Variants in ZNF423 observed in about 807,000 individuals in gnomAD.
ZNF423 encodes zinc finger protein 423, also known as Ebf-associated zinc finger protein.
In ZNF423, 12 loss-of-function variants were observed where a neutral mutation model predicts 95.8. The observed-to-expected ratio is 0.13, with a 90% confidence interval of 0.08 to 0.20. The LOEUF is 0.20. Ranked by LOEUF, ZNF423 falls within the 10% of genes least tolerant of loss-of-function variation. The probability of loss-of-function intolerance (pLI) is 1.00; values close to 1 mark genes in which losing one functional copy is unlikely to be tolerated. For synonymous variants in ZNF423, 749 were observed against 711.9 expected (o/e 1.05, Z -0.83); for missense variants, 1,316 against 1,737.1 (o/e 0.76, Z 4.31).
At chr16:49,647,312 G>A (rs1327399608) in intron 3 of ZNF423, among the ~76,000 whole-genome samples, 2 of 152,248 alleles carry the variant, frequency 1.3e-5, no homozygotes, top group African/African-American at 2.4e-5. Flanking sequence ...TCACTGGATG[G>A]CAGGTAAAGT....
chr16:49,790,806 C>T (rs74018940), intron 1 of ZNF423, among the ~76,000 whole-genome samples: 2,555 of 152,252 alleles, frequency 0.017, 63 homozygotes, highest in African/African-American at 0.059. Context: ...GAGAAAATAA[C>T]GGTACCTAAG....
intron 5 of ZNF423, among the ~76,000 whole-genome samples, chr16:49,577,113 A>G (rs1970524424): frequency 6.6e-6 from 1 of 152,126 alleles, no homozygotes; most frequent in Admixed American, 6.5e-5. Context: ...AGGGCAGACA[A>G]TGGAAGACCT....
rs2034719183 is a variant in ZNF423, at chr16:49,809,554, GA to G, written c.41-20009del. 2.0e-5 allele frequency among the ~76,000 whole-genome samples: 3 copies of G among 152,220 alleles called. No homozygotes were observed. In the South Asian group the frequency reaches 6.2e-4, roughly 32 times the overall value. ...GGTCCTGGAACCCCCAAGAAGGCGA[GA>G]GGGGGACTTTGGGGAAAAGGAGAAT... On this transcript the variant is annotated intron_variant, in intron 1 of 7. Coordinates refer to ENST00000563137, the MANE Select transcript of ZNF423 (RefSeq NM_001379286.1).
intron 3 of ZNF423, chr16:49,730,473 C>A: frequency 2.3e-6 from 1 of 440,632 alleles, no homozygotes; most frequent in Non-Finnish European, 4.1e-6. Flanking sequence ...AAAAGGCCTT[C>A]CAGAAATTCA....
At position 49,789,775 on chromosome 16, in the gene ZNF423, G is replaced by T. The variant is rs2034382150; in HGVS notation, c.41-229C>A. Among the ~76,000 whole-genome samples the T allele has an allele frequency of 2.0e-5, 3 of 152,204 alleles. No individual in the cohort carries two copies. In the South Asian group the frequency reaches 6.2e-4, roughly 32 times the overall value. On this transcript the variant is annotated intron_variant, in intron 1 of 7. Transcript: ENST00000563137. The stretch of plus-strand genomic sequence containing the variant: ...CAAGTTAAGTGCTGGATCAGTTATG[G>T]TTTCCCCAGCCCTGTGCCCCTGGCA...
intron 4 of ZNF423, among the ~76,000 whole-genome samples, chr16:49,634,368 T>C (rs1330415248): frequency 6.6e-6 from 1 of 152,168 alleles, no homozygotes; most frequent in Non-Finnish European, 1.5e-5. Flanking sequence ...TTCATTCAAG[T>C]TGTCCTCTCT....
chr16:49,823,653 A>G (rs1414603038), intron 1 of ZNF423, among the ~76,000 whole-genome samples: 2 of 152,188 alleles, frequency 1.3e-5, no homozygotes, highest in African/African-American at 4.8e-5. Flanking sequence ...TGGGGGAAAA[A>G]AAAAGGAGAA....
intron 3 of ZNF423, among the ~76,000 whole-genome samples, chr16:49,648,326 A>C (rs1412324904): frequency 6.6e-6 from 1 of 152,188 alleles, no homozygotes; most frequent in African/African-American, 2.4e-5. Context: ...CTTGCTGCTA[A>C]AAAGAAAAAA....
chr16:49,759,344 A>T (rs2143627002), intron 2 of ZNF423, among the ~76,000 whole-genome samples: 1 of 152,016 alleles, frequency 6.6e-6, no homozygotes, highest in South Asian at 2.1e-4. Context: ...GGTTGCGGTG[A>T]GCCAAGATCG....
chr16:49,588,574 A>T (rs1970913632), intron 5 of ZNF423, among the ~76,000 whole-genome samples: 1 of 152,186 alleles, frequency 6.6e-6, no homozygotes, highest in South Asian at 2.1e-4. Flanking sequence ...ACATCCTTCT[A>T]AACCTTTTCT....
chr16:49,779,674 C>T (rs1382469745), intron 2 of ZNF423, among the ~76,000 whole-genome samples: 1 of 152,144 alleles, frequency 6.6e-6, no homozygotes, highest in Non-Finnish European at 1.5e-5. Context: ...ACATGCCTGA[C>T]TGTTTACAGG....
chr16:49,551,713 A>T (rs761139983), intron 5 of ZNF423, among the ~76,000 whole-genome samples: 3 of 152,096 alleles, frequency 2.0e-5, no homozygotes, highest in Non-Finnish European at 4.4e-5. Flanking sequence ...GGGTGAGGAG[A>T]CCCTCGGGGG....
intron 5 of ZNF423, among the ~76,000 whole-genome samples, chr16:49,593,441 A>C (rs1971080675): frequency 6.6e-6 from 1 of 152,048 alleles, no homozygotes; most frequent in Non-Finnish European, 1.5e-5. Context: ...TCTCAAAAAA[A>C]AAAAAATTTC....
At chr16:49,633,390 T>C (rs1449835430) in intron 4 of ZNF423, among the ~76,000 whole-genome samples, 1 of 152,132 alleles carries the variant, frequency 6.6e-6, no homozygotes, top group Non-Finnish European at 1.5e-5. Context: ...TCACAATGGT[T>C]CACAAATGAT....
intron 1 of ZNF423, among the ~76,000 whole-genome samples, chr16:49,815,883 T>TAC (rs2034837056): frequency 2.3e-5 from 1 of 43,316 alleles, no homozygotes; most frequent in Non-Finnish European, 4.1e-5. Context: ...AAAAAAAAAA[T>TAC]ATATATATAT....
intron 3 of ZNF423, among the ~76,000 whole-genome samples, chr16:49,668,651 G>A (rs140637870): frequency 1.2e-3 from 188 of 152,310 alleles, no homozygotes; most frequent in African/African-American, 4.4e-3. Context: ...GCCACCTGAT[G>A]CAGCCTCAGT....
At chr16:49,536,164 C>T (rs1969048084) in intron 5 of ZNF423, among the ~76,000 whole-genome samples, 2 of 152,160 alleles carry the variant, frequency 1.3e-5, no homozygotes, top group Non-Finnish European at 2.9e-5. Flanking sequence ...TTCAAAAGTT[C>T]CCCATCCAGG....
At position 49,584,898 on chromosome 16, in the gene ZNF423, C is replaced by T. The variant is rs568500207; in HGVS notation, c.3601+41272G>A. Among the ~76,000 whole-genome samples the T allele has an allele frequency of 2.1e-4, 32 of 152,280 alleles. No individual in the cohort carries two copies. The South Asian group carries it at 6.0e-3, about 29-fold the overall frequency. ...AACATAATTCAGCCCAGAACAGTGT[C>T]TTCTTGGGTCTCTGTTATTCCGGAA... On this transcript the variant is annotated intron_variant, in intron 5 of 7. Coordinates refer to ENST00000563137, the MANE Select transcript of ZNF423 (RefSeq NM_001379286.1).
chr16:49,651,860 G>A (rs1048004885), intron 3 of ZNF423, among the ~76,000 whole-genome samples: 8 of 152,168 alleles, frequency 5.3e-5, no homozygotes, highest in African/African-American at 1.7e-4. Context: ...TCACCTCCCT[G>A]AGCCCTGATT....
Sources: allele counts gnomAD v4.1 joint callset (sites outside exome capture counted in the v4.1 genomes callset), GRCh38; gene constraint gnomAD v4.1.1; transcripts MANE v1.5; gene names NCBI Gene and HGNC (gene_info 2026-07-23, HGNC 2026-07-21).